The following UGGT2 variants were observed in gnomAD, a reference collection of about 807,000 sequenced individuals.
The protein encoded by UGGT2 is UDP-glucose glycoprotein glucosyltransferase 2.
UGGT2 carries 180 observed loss-of-function variants against 192.1 expected under a neutral mutation model. The ratio of observed to expected loss-of-function variants is 0.94; its 90% CI spans 0.83 to 1.06. The LOEUF is 1.06. Ranked by LOEUF, UGGT2 falls within the 50% of genes least tolerant of loss-of-function variation. The pLI, the probability that UGGT2 is intolerant of heterozygous loss-of-function variation, is 0.00. For missense variants in UGGT2, 1,849 were observed against 1,795.7 expected, an observed-to-expected ratio of 1.03 and a Z score of -0.54; for synonymous variants, 580 against 591.0, an observed-to-expected ratio of 0.98 and a Z score of 0.27.
Position 96,053,224 on chromosome 13 carries a change from G to A in UGGT2, c.89C>T (p.Ala30Val). ...GTGGGCAGTCACCGACTTGGACGCGGCGACCGTCCCGGAGCCGAGCTGCGA... is the reference window on the plus strand; with the variant it reads ...GTGGGCAGTCACCGACTTGGACGCGACGACCGTCCCGGAGCCGAGCTGCGA... ...WLSQLGSGTVAASKSVTAHLA... is the reference protein window; with the variant it reads ...WLSQLGSGTVVASKSVTAHLA... Residue 30 changes from alanine to valine, a missense_variant, in exon 1 of 39, where the codon GCC (alanine) becomes GTC (valine). By Grantham distance (64) the Ala-to-Val change is moderately conservative. Transcript: ENST00000376747. The A allele has an allele frequency of 6.5e-7, 1 of 1,540,340 alleles. No homozygotes were observed. Among genetic ancestry groups the A allele is most frequent in the Non-Finnish European group, 8.7e-7 (1 of 1,150,122 alleles).
chr13:95,817,806 C>T (rs1299021606), intron 38 of UGGT2, among the ~76,000 whole-genome samples: 2 of 151,732 alleles, frequency 1.3e-5, no homozygotes, highest in African/African-American at 2.4e-5. Context: ...TAAGAGGGAG[C>T]AATATTACAG....
intron 10 of UGGT2, among the ~76,000 whole-genome samples, chr13:95,979,027 A>G (rs1484130562): frequency 6.6e-6 from 1 of 152,222 alleles, no homozygotes; most frequent in Non-Finnish European, 1.5e-5. Flanking sequence ...TTAAGCAATT[A>G]TGTAATTGAA....
intron 5 of UGGT2, among the ~76,000 whole-genome samples, chr13:96,000,083 C>A (rs565279334): frequency 2.0e-5 from 3 of 152,280 alleles, no homozygotes; most frequent in African/African-American, 7.2e-5. Context: ...AGCTTCCAGA[C>A]TGAAATTCTT....
intron 2 of UGGT2, among the ~76,000 whole-genome samples, chr13:96,029,150 C>CA (rs981411437): frequency 6.6e-5 from 10 of 151,290 alleles, no homozygotes; most frequent in African/African-American, 7.3e-5. Context: ...GACACCGTCT[C>CA]AAAAAAAAAT....
intron 20 of UGGT2, among the ~76,000 whole-genome samples, chr13:95,924,392 G>GTTTTTTTTTTTTTTT (rs2048946851): frequency 4.6e-5 from 2 of 43,454 alleles, no homozygotes; most frequent in Admixed American, 2.8e-4. Flanking sequence ...ATCCCAAACA[G>GTTTTTTTTTTTTTTT]CTTTTTTTTT....
intron 1 of UGGT2, among the ~76,000 whole-genome samples, chr13:96,048,165 T>C (rs1234816903): frequency 6.6e-6 from 1 of 152,098 alleles, no homozygotes; most frequent in African/African-American, 2.4e-5. Context: ...AAACTAGAAC[T>C]CAAGATTAAG....
At chr13:95,858,863 C>T (rs2140069936) in intron 33 of UGGT2, among the ~76,000 whole-genome samples, 1 of 152,244 alleles carries the variant, frequency 6.6e-6, no homozygotes, top group Admixed American at 6.5e-5. Flanking sequence ...AAACACTTGG[C>T]ATCATGCCTA....
chr13:96,014,173 G>A (rs1252296018), intron 4 of UGGT2, among the ~76,000 whole-genome samples: 2 of 152,172 alleles, frequency 1.3e-5, no homozygotes, highest in South Asian at 2.1e-4. Context: ...AAGCCCATAT[G>A]TTTTGGCAAT....
chr13:95,822,830 C>A (rs2139808945), intron 38 of UGGT2, among the ~76,000 whole-genome samples: 1 of 151,942 alleles, frequency 6.6e-6, no homozygotes, highest in Admixed American at 6.6e-5. Flanking sequence ...GATTTCTTTT[C>A]TTTCAATGGC....
chr13:95,930,075 T>C (rs1439236146), intron 17 of UGGT2, among the ~76,000 whole-genome samples: 1 of 152,262 alleles, frequency 6.6e-6, no homozygotes, highest in Non-Finnish European at 1.5e-5. Flanking sequence ...GCCGCCTGCG[T>C]GTCTTCTTTT....
intron 29 of UGGT2, among the ~76,000 whole-genome samples, chr13:95,873,082 C>T (rs1328922079): frequency 6.6e-6 from 1 of 152,198 alleles, no homozygotes; most frequent in Non-Finnish European, 1.5e-5. Flanking sequence ...AATTCATATA[C>T]AGGGCTTTCC....
chr13:95,837,784 C>T lies in UGGT2; in HGVS notation c.4285-582G>A, dbSNP rs1041545089. The stretch of plus-strand genomic sequence containing the variant: ...TTTGTTTATATTCCAGGGGTGGAGT[C>T]CTTCCCTTCCTTTCCCTATAGAAGA... On this transcript the variant is annotated intron_variant, in intron 36 of 38. Coordinates refer to ENST00000376747, the MANE Select transcript of UGGT2 (RefSeq NM_020121.4). Among the ~76,000 whole-genome samples, 4 of 152,232 alleles carry T rather than the reference C, an allele frequency of 2.6e-5. No individual in the cohort carries two copies. The East Asian group carries it at 7.7e-4, about 29-fold the overall frequency.
intron 38 of UGGT2, among the ~76,000 whole-genome samples, chr13:95,803,506 C>T (rs1054565963): frequency 2.0e-5 from 3 of 152,098 alleles, no homozygotes; most frequent in African/African-American, 2.4e-5. Flanking sequence ...GTGATCCACC[C>T]GCCTTGGCCT....
intron 9 of UGGT2, among the ~76,000 whole-genome samples, chr13:95,985,515 T>C (rs139292135): frequency 6.6e-6 from 1 of 152,284 alleles, no homozygotes; most frequent in East Asian, 1.9e-4. Context: ...ATAAGAGGCA[T>C]AGCAATCATT....
At chr13:95,918,200 C>T (rs191927901) in intron 20 of UGGT2, among the ~76,000 whole-genome samples, 2 of 152,240 alleles carry the variant, frequency 1.3e-5, no homozygotes, top group Admixed American at 6.5e-5. Flanking sequence ...GACCACAACA[C>T]AAATTAGAAC....
intron 10 of UGGT2, among the ~76,000 whole-genome samples, chr13:95,981,020 T>C (rs550932210): frequency 6.6e-5 from 10 of 152,180 alleles, no homozygotes; most frequent in Non-Finnish European, 1.3e-4. Flanking sequence ...TGTTTCCTTT[T>C]ATATTTGTGG....
At chr13:95,847,596 T>C (rs555562236) in intron 36 of UGGT2, among the ~76,000 whole-genome samples, 1 of 152,342 alleles carries the variant, frequency 6.6e-6, no homozygotes, top group South Asian at 2.1e-4. Flanking sequence ...TTAGTTATTA[T>C]ACATTTAAAG....
intron 37 of UGGT2, among the ~76,000 whole-genome samples, chr13:95,833,912 G>A (rs1594102898): frequency 1.3e-5 from 2 of 152,256 alleles, no homozygotes; most frequent in East Asian, 3.9e-4. Flanking sequence ...CTCACTTCTG[G>A]TGACATTTTC....
chr13:95,955,493 G>A (rs902434278), intron 12 of UGGT2, among the ~76,000 whole-genome samples: 2 of 152,190 alleles, frequency 1.3e-5, no homozygotes, highest in African/African-American at 4.8e-5. Context: ...GTTCTTTTCT[G>A]TTAGTTGCAA....
Sources: gnomAD v4.1 joint callset for allele counts (sites outside exome capture counted in the v4.1 genomes callset) on GRCh38, gnomAD v4.1.1 for gene constraint, MANE v1.5 for transcripts, NCBI Gene and HGNC (gene_info 2026-07-23, HGNC 2026-07-21) for gene names.